ANKRD6: variants seen among roughly 807,000 people sequenced by gnomAD.
ANKRD6 encodes the protein ankyrin repeat domain 6.
Under a neutral mutation model 82.3 loss-of-function variants are expected in ANKRD6, and 56 were observed. The observed-to-expected ratio is 0.68, with a 90% CI of 0.55 to 0.85. The LOEUF is 0.85. Ranked by LOEUF, ANKRD6 falls within the 40% of genes least tolerant of loss-of-function variation. The pLI, the probability that ANKRD6 is intolerant of heterozygous loss-of-function variation, is 0.00. For missense variants in ANKRD6, 852 were observed against 907.6 expected, an observed-to-expected ratio of 0.94 and a Z score of 0.79; for synonymous variants, 347 against 352.1, an observed-to-expected ratio of 0.99 and a Z score of 0.16.
At chr6:89,574,948 A>T (rs1790766555) in intron 2 of ANKRD6, among the ~76,000 whole-genome samples, 1 of 152,218 alleles carries the variant, frequency 6.6e-6, no homozygotes, top group African/African-American at 2.4e-5. Context: ...GGACCCAAAA[A>T]TGCAGGGGAA....
In ANKRD6 at chr6:89,588,279, T is replaced by C. The variant is rs115180815; in HGVS notation, c.121-7637T>C. On this transcript the variant is annotated intron_variant, in intron 2 of 15. Transcript: ENST00000339746. ...AAACTCTCAAAGACTCTTCCCATTC[T>C]GAATATCATGTTTGTAAAATATGCG... is the stretch of plus-strand genomic sequence containing the variant. Among the ~76,000 whole-genome samples the C allele has an allele frequency of 7.7e-3, 1,172 of 152,322 alleles. 17 individuals are homozygous for C. Among genetic ancestry groups the C allele is most frequent in the African/African-American group, 0.027 (1,122 of 41,568 alleles).
intron 1 of ANKRD6, among the ~76,000 whole-genome samples, chr6:89,547,834 T>C (rs915771710): frequency 1.1e-4 from 16 of 152,212 alleles, no homozygotes; most frequent in Non-Finnish European, 2.1e-4. Flanking sequence ...GCATTTCCTA[T>C]GTTCATCACT....
chr6:89,502,594 AG>A (rs1401665431), intron 1 of ANKRD6, among the ~76,000 whole-genome samples: 1 of 152,154 alleles, frequency 6.6e-6, no homozygotes, highest in Non-Finnish European at 1.5e-5. Flanking sequence ...TTTATTTTTT[AG>A]AAGAGTCTGG....
intron 1 of ANKRD6, among the ~76,000 whole-genome samples, chr6:89,555,109 C>T (rs1408663010): frequency 7.3e-6 from 1 of 136,772 alleles, no homozygotes; most frequent in Non-Finnish European, 1.6e-5. Flanking sequence ...TCCCCCCTCC[C>T]CCGCCTCAGC....
chr6:89,590,178 G>T (rs1202810834), intron 2 of ANKRD6, among the ~76,000 whole-genome samples: 1 of 152,158 alleles, frequency 6.6e-6, no homozygotes, highest in African/African-American at 2.4e-5. Context: ...GTAGGTTGTG[G>T]CAAGGCAGTA....
intron 13 of ANKRD6, among the ~76,000 whole-genome samples, chr6:89,626,987 G>A (rs1805897719): frequency 6.6e-6 from 1 of 152,232 alleles, no homozygotes; most frequent in South Asian, 2.1e-4. Flanking sequence ...TTGGGGAAGA[G>A]AAAAATCTCC....
chr6:89,458,763 C>G (rs888832759), intron 1 of ANKRD6, among the ~76,000 whole-genome samples: 4 of 152,180 alleles, frequency 2.6e-5, no homozygotes, highest in Non-Finnish European at 4.4e-5. Context: ...TGGCAACACA[C>G]TCACAGACAC....
rs141388707 is a variant in ANKRD6 at position 89,580,785 on chromosome 6, G to A, written c.120+13689G>A. On this transcript the variant is annotated intron_variant, in intron 2 of 15. Coordinates refer to ENST00000339746, the MANE Select transcript of ANKRD6 (RefSeq NM_001242809.2). ...TAATGTTAGGACTTACCAGAATGGC[G>A]TGGCCTGAACTCGTGTTTGCCGACC... Among the ~76,000 whole-genome samples the A allele has an allele frequency of 8.3e-3, 1,270 of 152,276 alleles. 10 individuals carry two copies. The highest frequency in any genetic ancestry group is 0.012 in the Non-Finnish European group (811 of 68,014).
At chr6:89,522,394 G>A (rs9451237) in intron 1 of ANKRD6, among the ~76,000 whole-genome samples, 1 of 152,254 alleles carries the variant, frequency 6.6e-6, no homozygotes, top group Admixed American at 6.5e-5. Context: ...GAGTGTCATA[G>A]AAAGAACTGC....
chr6:89,555,552 A>G (rs1786475588), intron 1 of ANKRD6, among the ~76,000 whole-genome samples: 1 of 152,116 alleles, frequency 6.6e-6, no homozygotes, highest in African/African-American at 2.4e-5. Flanking sequence ...AGGTTGGAAG[A>G]GTATTAGGAG....
intron 1 of ANKRD6, among the ~76,000 whole-genome samples, chr6:89,519,327 G>T (rs552450682): frequency 6.1e-4 from 93 of 152,320 alleles, no homozygotes; most frequent in African/African-American, 2.2e-3. Context: ...TACTGCAGAA[G>T]CCCAGCTAAG....
chr6:89,535,433 G>A (rs557782345), intron 1 of ANKRD6, among the ~76,000 whole-genome samples: 64 of 152,324 alleles, frequency 4.2e-4, no homozygotes, highest in African/African-American at 1.5e-3. Context: ...TAAAACTGTA[G>A]TTTAAAATAC....
chr6:89,606,156 T>C (rs978943859), intron 5 of ANKRD6, 51 bp downstream of exon 5: 1 of 1,435,534 alleles, frequency 7.0e-7, no homozygotes. Context: ...AGGATGGCTG[T>C]GGGTTTCTCC....
chr6:89,486,661 A>G (rs2127825465), intron 1 of ANKRD6, among the ~76,000 whole-genome samples: 1 of 152,240 alleles, frequency 6.6e-6, no homozygotes, highest in African/African-American at 2.4e-5. Flanking sequence ...TTTTGTAGAG[A>G]TGGAGTCTCA....
intron 5 of ANKRD6, among the ~76,000 whole-genome samples, chr6:89,611,543 A>G (rs1001707032): frequency 6.6e-6 from 1 of 152,234 alleles, no homozygotes; most frequent in Admixed American, 6.5e-5. Context: ...CAGTATTGCT[A>G]TGGACCTTAT....
chr6:89,605,125 G>A (rs1393444505), intron 4 of ANKRD6, among the ~76,000 whole-genome samples: 2 of 152,136 alleles, frequency 1.3e-5, no homozygotes, highest in African/African-American at 2.4e-5. Flanking sequence ...GGTGGCTCAC[G>A]CCTGTAATCC....
intron 1 of ANKRD6, among the ~76,000 whole-genome samples, chr6:89,508,301 C>G (rs1780117236): frequency 6.6e-6 from 1 of 152,110 alleles, no homozygotes; most frequent in Admixed American, 6.5e-5. Context: ...CAATCTGCCT[C>G]CAGGAGGTCT....
intron 1 of ANKRD6, among the ~76,000 whole-genome samples, chr6:89,492,755 A>G (rs1778158866): frequency 6.6e-6 from 1 of 152,190 alleles, no homozygotes; most frequent in African/African-American, 2.4e-5. Context: ...GATTCACAAC[A>G]GGCCCTCCCC....
At chr6:89,617,012 C>G in intron 8 of ANKRD6, 1 of 454,360 alleles carries the variant, frequency 2.2e-6, no homozygotes, top group South Asian at 1.6e-5. Context: ...ACATGGCCCT[C>G]AGTTTAGTCA....
Sources: gnomAD v4.1 joint callset for allele counts (sites outside exome capture counted in the v4.1 genomes callset) on GRCh38, gnomAD v4.1.1 for gene constraint, MANE v1.5 for transcripts, NCBI Gene and HGNC (gene_info 2026-07-23, HGNC 2026-07-21) for gene names.